IL1RAPL2: variants seen among roughly 807,000 people sequenced by gnomAD.
IL1RAPL2 encodes interleukin 1 receptor accessory protein like 2.
In IL1RAPL2, 3 loss-of-function variants were observed where a neutral mutation model predicts 44.1. The ratio of observed to expected loss-of-function variants is 0.07; its 90% confidence interval spans 0.03 to 0.18. IL1RAPL2 has a LOEUF of 0.18. IL1RAPL2 is among the 10% of genes least tolerant of loss of function. The pLI is 1.00. For synonymous variants in IL1RAPL2, 181 were observed against 178.8 expected, an observed-to-expected ratio of 1.01 and a Z score of -0.10; for missense variants, 391 against 496.4, an observed-to-expected ratio of 0.79 and a Z score of 2.02.
At chrX:105,428,510 T>C (rs1244351649) in intron 5 of IL1RAPL2, among the ~76,000 whole-genome samples, 2 of 111,748 alleles carry the variant, frequency 1.8e-5, no homozygotes, top group Non-Finnish European at 3.8e-5. Flanking sequence ...ACCTTCACCC[T>C]GCATCTCCTG....
intron 2 of IL1RAPL2, among the ~76,000 whole-genome samples, chrX:105,092,750 A>G (rs1273366453): frequency 9.0e-6 from 1 of 111,295 alleles, no homozygotes; most frequent in Admixed American, 9.6e-5. Flanking sequence ...ATTCTTTCTT[A>G]CAGAAAGGTG....
chrX:104,647,762 G>A lies in IL1RAPL2; in HGVS notation c.-19-11133G>A, dbSNP rs763848600. On this transcript the variant is annotated intron_variant, in intron 1 of 10. Coordinates refer to ENST00000372582, the MANE Select transcript of IL1RAPL2 (RefSeq NM_017416.2). Reference sequence around the variant, plus strand: ...GACATTCTGTAAGTCTTTGCTACCAGTGATGACTGGTACATTAAGTGGTCG... The same window carrying A: ...GACATTCTGTAAGTCTTTGCTACCAATGATGACTGGTACATTAAGTGGTCG... 3.2e-5 allele frequency: 17 copies of A among 535,981 alleles called. No homozygotes were observed. The East Asian group carries it at 5.7e-4, about 18-fold the overall frequency. The allele number at this position is 535,981 out of a possible 1,213,427, so 44.2% of individuals were successfully genotyped here. A position where few individuals can be genotyped will look rare whatever the true frequency, so the allele number is the denominator to read the frequency against.
chrX:104,992,176 T>G (rs2030674368), intron 2 of IL1RAPL2, among the ~76,000 whole-genome samples: 1 of 110,770 alleles, frequency 9.0e-6, no homozygotes, highest in Admixed American at 9.7e-5. Context: ...TAGAACATAG[T>G]AGAGAAACTG....
intron 5 of IL1RAPL2, among the ~76,000 whole-genome samples, chrX:105,297,994 G>C (rs1267050332): frequency 9.1e-6 from 1 of 109,651 alleles, no homozygotes; most frequent in African/African-American, 3.3e-5. Flanking sequence ...ATTTTTAATT[G>C]ACAAAACTTG....
intron 5 of IL1RAPL2, chrX:105,406,193 A>G (rs1374771081): frequency 8.7e-7 from 1 of 1,151,939 alleles, no homozygotes; most frequent in African/African-American, 1.8e-5. Context: ...TCTAAGGAGC[A>G]CTTTAGTGAA....
chrX:105,434,486 A>G (rs1210746870), intron 5 of IL1RAPL2, among the ~76,000 whole-genome samples: 1 of 112,480 alleles, frequency 8.9e-6, no homozygotes. Context: ...AATTTAAAAA[A>G]TTGTGGTGCA....
chrX:104,699,799 G>T (rs1308186448), intron 2 of IL1RAPL2, among the ~76,000 whole-genome samples: 1 of 111,904 alleles, frequency 8.9e-6, no homozygotes, highest in Non-Finnish European at 1.9e-5. Context: ...TTTTGACAGA[G>T]ACCTTACCAT....
intron 2 of IL1RAPL2, among the ~76,000 whole-genome samples, chrX:104,970,118 G>A (rs2030203727): frequency 9.0e-6 from 1 of 110,683 alleles, no homozygotes; most frequent in Non-Finnish European, 1.9e-5. Flanking sequence ...ATATCTGTAA[G>A]ATATATAGAA....
At chrX:104,731,367 C>A (rs1455647560) in intron 2 of IL1RAPL2, among the ~76,000 whole-genome samples, 9 of 110,753 alleles carry the variant, frequency 8.1e-5, no homozygotes, top group African/African-American at 2.0e-4. Flanking sequence ...ACATTTAAGT[C>A]TTTAATCCAT....
chrX:104,791,280 A>G (rs1023218460), intron 2 of IL1RAPL2, among the ~76,000 whole-genome samples: 1 of 100,623 alleles, frequency 9.9e-6, no homozygotes, highest in Non-Finnish European at 2.0e-5. Context: ...GAAACAACCA[A>G]TGAAGGAAGA....
intron 6 of IL1RAPL2, among the ~76,000 whole-genome samples, chrX:105,517,321 A>G (rs1476865515): frequency 9.0e-6 from 1 of 111,646 alleles, no homozygotes; most frequent in Non-Finnish European, 1.9e-5. Flanking sequence ...TTTCAAATTT[A>G]TGTATGCAGC....
chrX:104,874,279 C>CCTCTCCCTCTCTCT (rs747491911), intron 2 of IL1RAPL2, among the ~76,000 whole-genome samples: 14 of 76,319 alleles, frequency 1.8e-4, no homozygotes, highest in Non-Finnish European at 3.3e-4. Context: ...TGTCTGTATT[C>CCTCTCCCTCTCTCT]CTCTCTCTCT....
At chrX:105,168,748 T>G (rs1200052226) in intron 2 of IL1RAPL2, among the ~76,000 whole-genome samples, 2 of 110,684 alleles carry the variant, frequency 1.8e-5, no homozygotes, top group African/African-American at 6.6e-5. Flanking sequence ...CTCTGACTTT[T>G]TTTTTTTTCT....
intron 2 of IL1RAPL2, among the ~76,000 whole-genome samples, chrX:105,191,712 G>C (rs1248209865): frequency 1.8e-5 from 2 of 112,257 alleles, no homozygotes; most frequent in African/African-American, 6.5e-5. Flanking sequence ...TTCAAATCCA[G>C]GGACAAGAAT....
intron 2 of IL1RAPL2, among the ~76,000 whole-genome samples, chrX:105,078,331 G>C (rs184728022): frequency 1.1e-4 from 12 of 111,802 alleles, no homozygotes; most frequent in African/African-American, 3.9e-4. Context: ...ATCAGCAGTG[G>C]TGGCTGCAGA....
At chrX:104,632,581 G>A (rs1929676531) in intron 1 of IL1RAPL2, among the ~76,000 whole-genome samples, 1 of 107,482 alleles carries the variant, frequency 9.3e-6, no homozygotes, top group Non-Finnish European at 1.9e-5. Flanking sequence ...TGGATTCCTA[G>A]GTATTTTATT....
At chrX:105,292,388 C>T (rs2034620213) in intron 5 of IL1RAPL2, among the ~76,000 whole-genome samples, 1 of 112,202 alleles carries the variant, frequency 8.9e-6, no homozygotes. Context: ...GAAACTGCCA[C>T]TTGTTGTGTT....
intron 6 of IL1RAPL2, among the ~76,000 whole-genome samples, chrX:105,701,191 T>C (rs2038116553): frequency 9.0e-6 from 1 of 111,688 alleles, no homozygotes; most frequent in Non-Finnish European, 1.9e-5. Flanking sequence ...AGATGGAATT[T>C]TGGGCACTAT....
intron 2 of IL1RAPL2, among the ~76,000 whole-genome samples, chrX:104,668,136 A>G (rs1002044808): frequency 8.0e-4 from 89 of 110,957 alleles, no homozygotes; most frequent in African/African-American, 2.8e-3. Context: ...TAGTTAGGAA[A>G]CATATTTGTT....
Sources: allele counts gnomAD v4.1 joint callset (sites outside exome capture counted in the v4.1 genomes callset), GRCh38; gene constraint gnomAD v4.1.1; transcripts MANE v1.5; gene names NCBI Gene and HGNC (gene_info 2026-07-23, HGNC 2026-07-21).